The following HSDL1 variants were observed in gnomAD, a reference collection of about 807,000 sequenced individuals.
HSDL1 encodes the protein hydroxysteroid dehydrogenase like 1, also known as inactive hydroxysteroid dehydrogenase-like protein 1.
HSDL1 carries 29 observed loss-of-function variants against 31.5 expected under a neutral mutation model. The ratio of observed to expected loss-of-function variants is 0.92; its 90% confidence interval spans 0.69 to 1.26. The LOEUF (loss-of-function observed/expected upper bound fraction) is 1.26. Ranked by LOEUF, HSDL1 falls within the 50% of genes most tolerant of loss-of-function variation. The pLI, the probability that HSDL1 is intolerant of heterozygous loss-of-function variation, is 0.00. For missense variants in HSDL1, 503 were observed against 416.6 expected (o/e 1.21, Z -1.81); for synonymous variants, 222 against 155.2 (o/e 1.43, Z -3.20).
intron 5 of HSDL1, among the ~76,000 whole-genome samples, chr16:84,127,358 G>T (rs2086619646): frequency 6.6e-6 from 1 of 151,536 alleles, no homozygotes; most frequent in African/African-American, 2.4e-5. Context: ...TGGGACTACA[G>T]GCGTGCACCA....
At chr16:84,141,461 T>G (rs983647034) in intron 1 of HSDL1, among the ~76,000 whole-genome samples, 20 of 152,216 alleles carry the variant, frequency 1.3e-4, no homozygotes, top group African/African-American at 4.6e-4. Flanking sequence ...TGGTTTTGAT[T>G]TACAGTTAGG....
At chr16:84,126,631 T>C (rs2086609366) in intron 5 of HSDL1, among the ~76,000 whole-genome samples, 1 of 152,206 alleles carries the variant, frequency 6.6e-6, no homozygotes, top group African/African-American at 2.4e-5. Context: ...TGGCAAGTAC[T>C]GACATTCTAG....
intron 3 of HSDL1, 134 bp from the exon 4 acceptor site, chr16:84,130,565 A>C (rs2086653821): frequency 1.5e-6 from 1 of 685,338 alleles, no homozygotes. Context: ...AGTATCTACA[A>C]GTCAAGGACA....
intron 1 of HSDL1, among the ~76,000 whole-genome samples, chr16:84,136,512 C>T (rs943131667): frequency 6.6e-6 from 1 of 152,264 alleles, no homozygotes; most frequent in African/African-American, 2.4e-5. Flanking sequence ...CAGCGCTCAG[C>T]CCTCAGCTCA....
In HSDL1 at chr16:84,123,665, T is replaced by C. The variant is rs550056759; in HGVS notation, c.*965A>G. On this transcript the variant is annotated 3_prime_UTR_variant, in exon 6 of 6. Transcript: ENST00000219439. ...TACTTACTATTTCTATCAATAATGC[T>C]ACTGGAATGGAATAATATTACATAG... is the stretch of plus-strand genomic sequence containing the variant. The C allele has an allele frequency of 1.3e-5, 2 of 152,662 alleles. No individual in the cohort carries two copies. The highest frequency in any genetic ancestry group is 2.9e-5 in the Non-Finnish European group (2 of 68,036). 9.5% of individuals were successfully genotyped at this position (152,662 alleles called of 1,614,324 possible).
intron 1 of HSDL1, 134 bp from the exon 2 acceptor site, chr16:84,135,739 G>A (rs1488986976): frequency 6.6e-6 from 1 of 152,390 alleles, no homozygotes; most frequent in South Asian, 2.1e-4. Flanking sequence ...ATGAATCTCT[G>A]TAGAGGCAGC....
intron 5 of HSDL1, 84 bp from the exon 6 acceptor site, chr16:84,124,812 C>G (rs936604990): frequency 3.9e-5 from 33 of 837,416 alleles, no homozygotes; most frequent in Non-Finnish European, 6.6e-5. Context: ...GCACATGAAA[C>G]CCACCAATCA....
intron 1 of HSDL1, among the ~76,000 whole-genome samples, chr16:84,142,339 T>C (rs1257100798): frequency 9.2e-5 from 14 of 152,306 alleles, no homozygotes; most frequent in African/African-American, 2.9e-4. Flanking sequence ...TTTCGAATTA[T>C]TTTCTAGAAA....
chr16:84,124,489 G>A lies in HSDL1; in HGVS notation c.*141C>T, dbSNP rs2086582660. 6.4e-6 allele frequency: 4 copies of A among 621,178 alleles called. No homozygotes were observed. Among genetic ancestry groups the A allele is most frequent in the South Asian group, 5.4e-5 (3 of 55,116 alleles). The allele number at this position is 621,178 out of a possible 1,614,324, so 38.5% of individuals were successfully genotyped here. On this transcript the variant is annotated 3_prime_UTR_variant, in exon 6 of 6. Coordinates refer to ENST00000219439, the MANE Select transcript of HSDL1 (RefSeq NM_031463.5). ...TTTCACAGCACTCTGACGGTATTAT[G>A]TGTGTTTTGCAAATGACGAATCAAC... is the stretch of plus-strand genomic sequence containing the variant.
At chr16:84,134,962 G>A (rs530145898) in intron 2 of HSDL1, among the ~76,000 whole-genome samples, 12 of 152,268 alleles carry the variant, frequency 7.9e-5, no homozygotes, top group South Asian at 6.2e-4. Context: ...GGCCAGCCAC[G>A]GTGGCTCGCG....
At chr16:84,124,800 C>T (rs187551978) in intron 5 of HSDL1, 72 bp from the exon 6 acceptor site, 1 of 990,990 alleles carries the variant, frequency 1.0e-6, no homozygotes, top group Non-Finnish European at 1.6e-6. Context: ...GTACACAGAC[C>T]AGCACATGAA....
intron 2 of HSDL1, among the ~76,000 whole-genome samples, chr16:84,134,878 T>G (rs567163041): frequency 4.6e-5 from 7 of 152,198 alleles, no homozygotes; most frequent in Non-Finnish European, 8.8e-5. Context: ...ATATTAAGCT[T>G]ATTCTTCTAA....
Position 84,139,007 on chromosome 16 carries a change from G to C in HSDL1, c.-68-3402C>G, listed in dbSNP as rs544800354. ...CAAGAGTTCTGGGAGGAAAGTCTTGGCTGAAACATGGACATTACCAAGCTA... is the reference window on the plus strand; with the variant it reads ...CAAGAGTTCTGGGAGGAAAGTCTTGCCTGAAACATGGACATTACCAAGCTA... On this transcript the variant is annotated intron_variant, in intron 1 of 5. Coordinates refer to ENST00000219439, the MANE Select transcript of HSDL1 (RefSeq NM_031463.5). 3.3e-5 allele frequency among the ~76,000 whole-genome samples: 5 copies of C among 152,340 alleles called. No homozygotes were observed. In the South Asian group the frequency reaches 6.2e-4, roughly 19 times the overall value.
At chr16:84,142,162 A>C (rs2086774716) in intron 1 of HSDL1, among the ~76,000 whole-genome samples, 1 of 152,080 alleles carries the variant, frequency 6.6e-6, no homozygotes, top group Non-Finnish European at 1.5e-5. Context: ...TCGTAAGCTC[A>C]AACCATTCAC....
At chr16:84,140,285 G>A (rs1402251230) in intron 1 of HSDL1, among the ~76,000 whole-genome samples, 1 of 152,164 alleles carries the variant, frequency 6.6e-6, no homozygotes, top group Admixed American at 6.5e-5. Flanking sequence ...TTTGTTTTTA[G>A]GCCGAGTCTT....
rs1285777644 is a variant in HSDL1, at chr16:84,123,805, AGAT to A, written c.*822_*824del. On this transcript the variant is annotated 3_prime_UTR_variant, in exon 6 of 6. Transcript: ENST00000219439. Reference sequence around the variant, plus strand: ...CACAAGAATTGCCTTATAAATCAAAAGATGACTGCAGGTTTCTCTTACATATCC... The same window carrying A: ...CACAAGAATTGCCTTATAAATCAAAAGACTGCAGGTTTCTCTTACATATCC... 6.6e-6 allele frequency: 1 copy of A among 152,372 alleles called. No individual in the cohort carries two copies. 9.4% of individuals were successfully genotyped at this position (152,372 alleles called of 1,614,324 possible). A position where few individuals can be genotyped will look rare whatever the true frequency, so the allele number is the denominator to read the frequency against.
At chr16:84,129,457 C>T (rs2086639940) in intron 5 of HSDL1, 91 bp downstream of exon 5, 1 of 932,256 alleles carries the variant, frequency 1.1e-6, no homozygotes, top group African/African-American at 1.6e-5. Context: ...ATTTACAATT[C>T]TCATCTTAGG....
intron 5 of HSDL1, among the ~76,000 whole-genome samples, chr16:84,127,367 C>T (rs139577032): frequency 1.2e-4 from 18 of 151,886 alleles, no homozygotes; most frequent in African/African-American, 4.1e-4. Flanking sequence ...AGGCGTGCAC[C>T]ACCATGACCA....
At chr16:84,125,370 C>CAACA (rs1417128491) in intron 5 of HSDL1, among the ~76,000 whole-genome samples, 1 of 142,346 alleles carries the variant, frequency 7.0e-6, no homozygotes, top group Non-Finnish European at 1.5e-5. Context: ...CAATCAATCA[C>CAACA]AATACCCACC....
Sources: gnomAD v4.1 joint callset for allele counts (sites outside exome capture counted in the v4.1 genomes callset) on GRCh38, gnomAD v4.1.1 for gene constraint, MANE v1.5 for transcripts, NCBI Gene and HGNC (gene_info 2026-07-23, HGNC 2026-07-21) for gene names.